Variants in DCHS1 observed in about 807,000 individuals in gnomAD.
The protein encoded by DCHS1 is protocadherin-16.
In DCHS1, 78 loss-of-function variants were observed where a neutral mutation model predicts 213.9. That is an observed-to-expected ratio of 0.36 (90% CI 0.30 to 0.44). The LOEUF (loss-of-function observed/expected upper bound fraction) is 0.44. Ranked by LOEUF, DCHS1 falls within the 20% of genes least tolerant of loss-of-function variation. The probability of loss-of-function intolerance (pLI) is 1.00; values close to 1 mark genes in which losing one functional copy is unlikely to be tolerated. For synonymous variants in DCHS1, 1,828 were observed against 1,873.7 expected, an observed-to-expected ratio of 0.98 and a Z score of 0.63; for missense variants, 3,946 against 4,395.9, an observed-to-expected ratio of 0.90 and a Z score of 2.89.
chr11:6,633,382 A>G lies in DCHS1; in HGVS notation c.2455+30T>C, dbSNP rs11040938. On this transcript the variant is annotated intron_variant, in intron 5 of 20. Transcript: ENST00000299441. ...GGTTATACTGGGGTATTTGGGTCTG[A>G]CACCAAGTGGGTATAAAGCTAAATG... 667,791 of 1,539,802 alleles carry G rather than the reference A, an allele frequency of 0.43. 149,639 individuals carry two copies. Among genetic ancestry groups the G allele is most frequent in the African/African-American group, 0.76 (55,784 of 72,974 alleles).
At position 6,632,780 on chromosome 11, in the gene DCHS1, G is replaced by A; in HGVS notation, c.2732C>T (p.Thr911Ile). ...VLLPPNTAPG[T>I]PIYTLRALDP... ...AAGAGCCCGCAGTGTATAGATGGGA[G>A]TCCCTGGGGCAGTGTTTGGTGGTAG... The change falls in exon 6 of 21, where the codon ACT (threonine) becomes ATT (isoleucine). Residue 911 changes from threonine to isoleucine, a missense_variant. Physicochemically the swap from Thr to Ile is moderately conservative, Grantham distance 89 (BLOSUM62 -1). Coordinates refer to ENST00000299441, the MANE Select transcript of DCHS1 (RefSeq NM_003737.4). This position sits in a 1 kb window ranked among gnomAD's most constrained non-coding sequence, Gnocchi z 5.9. The A allele has an allele frequency of 6.2e-7, 1 of 1,613,778 alleles. No homozygotes were observed. Among genetic ancestry groups the A allele is most frequent in the Admixed American group, 1.7e-5 (1 of 59,976 alleles).
At chr11:6,642,491 A>G (rs1320677404) in intron 1 of DCHS1, among the ~76,000 whole-genome samples, 1 of 152,168 alleles carries the variant, frequency 6.6e-6, no homozygotes, top group Admixed American at 6.5e-5. Context: ...GTTGACATCT[A>G]AATAACTAGG....
chr11:6,650,470 G>C (rs535075545), intron 1 of DCHS1, among the ~76,000 whole-genome samples: 1 of 152,324 alleles, frequency 6.6e-6, no homozygotes, highest in South Asian at 2.1e-4. Flanking sequence ...GAACCCCTGG[G>C]AGGGGCTTTT....
At position 6,634,263 on chromosome 11, in the gene DCHS1, G is replaced by C; in HGVS notation, c.1841C>G (p.Ser614Cys). 1.2e-6 allele frequency: 2 copies of C among 1,612,864 alleles called. No homozygotes were observed. Among genetic ancestry groups the C allele is most frequent in the Non-Finnish European group, 1.7e-6 (2 of 1,179,304 alleles). Residue 614 changes from serine (S) to cysteine (C), a missense_variant, in exon 3 of 21, where the codon TCC (serine) becomes TGC (cysteine). Physicochemically the swap from Ser to Cys is moderately radical, Grantham distance 112. Transcript: ENST00000299441. ...CCCAAGTCCAGCACCCAAGGAATAG[G>C]AGAGGAGGCCAAATGGGCCACTATC... ...DADSGPFGLL[S>C]YSLGAGLGSS...
Position 6,629,862 on chromosome 11 carries a change from G to A in DCHS1, c.4845C>T (p.His1615=). The change falls in exon 11 of 21, where the codon CAC becomes CAT. Residue 1615 remains histidine (H), a synonymous_variant. Transcript: ENST00000299441. Reference sequence around the variant, plus strand: ...GGTCTGAGGCCACCACTGTCAGTACGTGCTCAGCTCGTTGTTCGCGGTCCA... The same window carrying A: ...GGTCTGAGGCCACCACTGTCAGTACATGCTCAGCTCGTTGTTCGCGGTCCA... The part of the protein sequence containing the change: ...RPLDREQRAE[H]VLTVVASDHG... 1 of 1,613,022 alleles carries A rather than the reference G, an allele frequency of 6.2e-7. No homozygotes were observed. The highest frequency in any genetic ancestry group is 2.2e-5 in the East Asian group (1 of 44,886).
rs1366505507 is a variant in DCHS1 at position 6,623,444 on chromosome 11, G to A, written c.8232C>T (p.Ser2744=). 1 of 1,582,418 alleles carries A rather than the reference G, an allele frequency of 6.3e-7. No homozygotes were observed. Among genetic ancestry groups the A allele is most frequent in the Non-Finnish European group, 8.6e-7 (1 of 1,164,364 alleles). ...CAGGTCCTGGCCCAGCCTCCAACAG[G>A]CTGTAACGGAGCCTCCCAAAAGCCC... ...DAGAFGRLRY[S]LLEAGPGPEG... is the part of the protein sequence containing the mutation. The change falls in exon 21 of 21, where the codon AGC becomes AGT. Residue 2744 remains serine (S), a synonymous_variant. Coordinates refer to ENST00000299441, the MANE Select transcript of DCHS1 (RefSeq NM_003737.4).
Position 6,628,608 on chromosome 11 carries a change from G to A in DCHS1, c.5371+13C>T, listed in dbSNP as rs1157500156. On this transcript the variant is annotated intron_variant, in intron 13 of 20. Transcript: ENST00000299441. This position sits in a 1 kb window ranked among gnomAD's most constrained non-coding sequence, Gnocchi z 4.3. Reference sequence around the variant, plus strand: ...GTGGGTGCTGAATTAAGTGGGAGTGGGAAGGTTCTCACCTAGGATGCGGTA... The same window carrying A: ...GTGGGTGCTGAATTAAGTGGGAGTGAGAAGGTTCTCACCTAGGATGCGGTA... 10 of 1,613,540 alleles carry A rather than the reference G, an allele frequency of 6.2e-6. 1 individual carries two copies. The Middle Eastern group carries it at 5.1e-4, about 82-fold the overall frequency.
At position 6,641,686 on chromosome 11, in the gene DCHS1, T is replaced by C; in HGVS notation, c.-73A>G. The C allele has an allele frequency of 6.8e-7, 1 of 1,468,326 alleles. No individual in the cohort carries two copies. Among genetic ancestry groups the C allele is most frequent in the South Asian group, 1.4e-5 (1 of 70,984 alleles). The allele number at this position is 1,468,326 out of a possible 1,614,324, so 91.0% of individuals were successfully genotyped here. On this transcript the variant is annotated 5_prime_UTR_variant, in exon 2 of 21. Transcript: ENST00000299441. The surrounding 1 kb of genome is among the most constrained non-coding windows in gnomAD (Gnocchi z 7.1). ...TCTGGGCCCAGCTTGACCTCAGACTTTGGGTCAGGTCCCACTGGGGCCCTG... is the reference window on the plus strand; with the variant it reads ...TCTGGGCCCAGCTTGACCTCAGACTCTGGGTCAGGTCCCACTGGGGCCCTG...
rs1332376848 is a variant in DCHS1 at position 6,627,052 on chromosome 11, T to C, written c.5987A>G (p.Asn1996Ser). The change falls in exon 14 of 21, where the codon AAT becomes AGT. Residue 1996 changes from asparagine (N) to serine (S), a missense_variant. Asn to Ser is a conservative substitution (Grantham distance 46). This residue lies in a region of DCHS1 where 3,384 missense variants were observed against 3,780.1 expected (regional missense o/e 0.90). Transcript: ENST00000299441. This position sits in a 1 kb window ranked among gnomAD's most constrained non-coding sequence, Gnocchi z 5.4. ...TGCCAGCCGGTACAGAATGGAAGCATTGGCACCAGCATCACGATCTTCAGC... is the reference window on the plus strand; with the variant it reads ...TGCCAGCCGGTACAGAATGGAAGCACTGGCACCAGCATCACGATCTTCAGC... ...LRAEDRDAGA[N>S]ASILYRLAGT... is the part of the protein sequence containing the mutation. The C allele has an allele frequency of 1.2e-5, 19 of 1,613,370 alleles. No individual in the cohort carries two copies. Among genetic ancestry groups the C allele is most frequent in the Non-Finnish European group, 1.4e-5 (17 of 1,179,754 alleles).
chr11:6,629,486 C>T lies in DCHS1; in HGVS notation c.5127G>A (p.Leu1709=), dbSNP rs144579019. 1,724 of 1,613,102 alleles carry T rather than the reference C, an allele frequency of 1.1e-3. 20 individuals carry two copies. The African/African-American group carries it at 0.02, about 18-fold the overall frequency. Residue 1709 remains leucine, a synonymous_variant, in exon 12 of 21, where the codon CTG becomes CTA. Coordinates refer to ENST00000299441, the MANE Select transcript of DCHS1 (RefSeq NM_003737.4). The part of the protein sequence containing the change: ...DTGVLTTLRA[L]DREEQEEINL... ...TGATCTCCTCCTGTTCCTCTCGATC[C>T]AGGGCCCGAAGAGTCGTGAGAACAC... is the stretch of plus-strand genomic sequence containing the variant.
At chr11:6,642,842 A>C (rs2134648686) in intron 1 of DCHS1, among the ~76,000 whole-genome samples, 1 of 152,320 alleles carries the variant, frequency 6.6e-6, no homozygotes, top group East Asian at 1.9e-4. Flanking sequence ...GATCACGCAG[A>C]TTGGACAGTG....
chr11:6,625,923 G>T lies in DCHS1; in HGVS notation c.6728C>A (p.Thr2243Lys). ...AILDREIWAE[T>K]RLVLMATDRG... ...GGTCCACAGGGCCAGGCCTCACCGT[G>T]TTTCAGCCCAGATCTCACGGTCCAG... Residue 2243 changes from threonine to lysine, a missense_variant, in exon 17 of 21, where the codon ACA becomes AAA. Around this residue, in one of 3 missense-constraint regions of DCHS1, gnomAD observed 3,384 missense variants for 3,780.1 expected, o/e 0.90. Coordinates refer to ENST00000299441, the MANE Select transcript of DCHS1 (RefSeq NM_003737.4). The surrounding 1 kb of genome is among the most constrained non-coding windows in gnomAD (Gnocchi z 5.3). 1 of 1,613,078 alleles carries T rather than the reference G, an allele frequency of 6.2e-7. No individual in the cohort carries two copies. Among genetic ancestry groups the T allele is most frequent in the South Asian group, 1.1e-5 (1 of 90,792 alleles).
chr11:6,649,526 G>T (rs1589964164), intron 1 of DCHS1, among the ~76,000 whole-genome samples: 1 of 151,530 alleles, frequency 6.6e-6, no homozygotes, highest in South Asian at 2.1e-4. Flanking sequence ...GGGGAGAGGA[G>T]GTCGTAGGGT....
At chr11:6,644,841 A>G (rs1381227800) in intron 1 of DCHS1, among the ~76,000 whole-genome samples, 1 of 152,224 alleles carries the variant, frequency 6.6e-6, no homozygotes, top group East Asian at 1.9e-4. Context: ...CAGTCCTGTG[A>G]CTACACAAAC....
At position 6,633,940 on chromosome 11, in the gene DCHS1, C is replaced by A; in HGVS notation, c.2067G>T (p.Glu689Asp). 2 of 1,614,010 alleles carry A rather than the reference C, an allele frequency of 1.2e-6. No individual in the cohort carries two copies. The highest frequency in any genetic ancestry group is 8.5e-7 in the Non-Finnish European group (1 of 1,179,890). The change falls in exon 4 of 21, where the codon GAG (glutamate) becomes GAT (aspartate). Residue 689 changes from glutamate (E) to aspartate (D), a missense_variant. Physicochemically the swap from Glu to Asp is conservative, Grantham distance 45. Transcript: ENST00000299441. ...NDNPPQFYPR[E>D]YAASISAQSP... ...TCTGGGCACTTATACTGGCAGCATA[C>A]TCCCGTGGATAAAACTGAGGAGGGT...
rs2134622185 is a variant in DCHS1 at position 6,628,800 on chromosome 11, T to C, written c.5192A>G (p.Gln1731Arg). ...CACTCGAACAGTGACATGCGTTAACTGAGGAGGTGAGCCCCTGTCCTGGGC... is the reference window on the plus strand; with the variant it reads ...CACTCGAACAGTGACATGCGTTAACCGAGGAGGTGAGCCCCTGTCCTGGGC... ...VYAQDRGSPP[Q>R]LTHVTVRVAV... The change falls in exon 13 of 21, where the codon CAG (glutamine) becomes CGG (arginine). Residue 1731 changes from glutamine (Q) to arginine (R), a missense_variant. By Grantham distance (43) the Gln-to-Arg change is conservative. Around this residue, in one of 3 missense-constraint regions of DCHS1, gnomAD observed 3,384 missense variants for 3,780.1 expected, o/e 0.90. Transcript: ENST00000299441. This position sits in a 1 kb window ranked among gnomAD's most constrained non-coding sequence, Gnocchi z 4.3. 1 of 1,613,860 alleles carries C rather than the reference T, an allele frequency of 6.2e-7. No individual in the cohort carries two copies. The highest frequency in any genetic ancestry group is 8.5e-7 in the Non-Finnish European group (1 of 1,179,834).
At position 6,622,871 on chromosome 11, in the gene DCHS1, C is replaced by G. The variant is rs750249317; in HGVS notation, c.8805G>C (p.Leu2935=). The G allele has an allele frequency of 6.3e-7, 1 of 1,596,838 alleles. No individual in the cohort carries two copies. The highest frequency in any genetic ancestry group is 8.5e-7 in the Non-Finnish European group (1 of 1,171,952). The change falls in exon 21 of 21, where the codon CTG becomes CTC. Residue 2935 remains leucine, a synonymous_variant. Transcript: ENST00000299441. This position sits in a 1 kb window ranked among gnomAD's most constrained non-coding sequence, Gnocchi z 5.4. The part of the protein sequence containing the change: ...TALGLAPDLN[L]LLVGAVAASL... ...AGGCTGCCACGGCCCCTACTAATAG[C>G]AGGTTGAGGTCAGGTGCCAGGCCCA...
In DCHS1 at chr11:6,629,568, C is replaced by G. The variant is rs147878300; in HGVS notation, c.5045G>C (p.Gly1682Ala). 3.7e-6 allele frequency: 6 copies of G among 1,613,630 alleles called. No homozygotes were observed. Among genetic ancestry groups the G allele is most frequent in the Non-Finnish European group, 5.1e-6 (6 of 1,179,738 alleles). ...RATDPDVGANGQVTYGGVSSE... is the reference protein window; with the variant it reads ...RATDPDVGANAQVTYGGVSSE... ...AGAGACGCCTCCATAAGTCACTTGC[C>G]CGTTGGCCCCTGAGGAGGGGCAGCA... Residue 1682 changes from glycine to alanine, a missense_variant, in exon 12 of 21, where the codon GGG becomes GCG. By Grantham distance (60) the Gly-to-Ala change is moderately conservative. This residue lies in a region of DCHS1 where 3,384 missense variants were observed against 3,780.1 expected (regional missense o/e 0.90). Transcript: ENST00000299441.
At chr11:6,655,460 C>T (rs1856301688) in intron 1 of DCHS1, 103 bp downstream of exon 1, 2 of 793,968 alleles carry the variant, frequency 2.5e-6, no homozygotes, top group African/African-American at 3.7e-5. Context: ...TTGTCTCCGG[C>T]TCAGAACAAA....
Sources: allele counts gnomAD v4.1 joint callset (sites outside exome capture counted in the v4.1 genomes callset), GRCh38; gene constraint gnomAD v4.1.1; regional missense constraint gnomAD v4.1.1; non-coding constraint Gnocchi (gnomAD v3.1); transcripts MANE v1.5; gene names NCBI Gene and HGNC (gene_info 2026-07-23, HGNC 2026-07-21).